EPG5: variants seen among roughly 807,000 people sequenced by gnomAD.
The protein encoded by EPG5 is ectopic P-granules 5 autophagy tethering factor, also known as ectopic P granules protein 5 homolog.
Under a neutral mutation model 302.7 loss-of-function variants are expected in EPG5, and 159 were observed. That is an observed-to-expected ratio of 0.53 (90% CI 0.46 to 0.60). The LOEUF is 0.60. EPG5 is among the 20% of genes least tolerant of loss of function. The pLI is 0.00. For missense variants in EPG5, 2,896 were observed against 3,092.4 expected, an observed-to-expected ratio of 0.94 and a Z score of 1.51; for synonymous variants, 1,158 against 1,136.8, an observed-to-expected ratio of 1.02 and a Z score of -0.37.
intron 1 of EPG5, among the ~76,000 whole-genome samples, chr18:45,963,905 A>G (rs2051197802): frequency 6.6e-6 from 1 of 152,238 alleles, no homozygotes; most frequent in Non-Finnish European, 1.5e-5. Flanking sequence ...GGAGGGTTGT[A>G]CTAGTTAGGA....
chr18:45,929,076 A>G (rs570859828), intron 12 of EPG5, 67 bp from the exon 13 acceptor site: 1 of 1,483,294 alleles, frequency 6.7e-7, no homozygotes, highest in Non-Finnish European at 9.3e-7. Context: ...ACACACTTAT[A>G]TCATTTTTTC....
At chr18:45,840,257 G>C in the EPG5 span, 4 of 1,609,412 alleles carry the variant, frequency 2.5e-6, no homozygotes, top group South Asian at 1.1e-5. Context: ...TGAGCTCCCC[G>C]CCTCCACCCT....
At chr18:45,817,677 C>G in the EPG5 span, among the ~76,000 whole-genome samples, 1 of 152,236 alleles carries the variant, frequency 6.6e-6, no homozygotes, top group African/African-American at 2.4e-5. Flanking sequence ...AGTTCTTTAG[C>G]ACATGGGCCT....
intron 31 of EPG5, among the ~76,000 whole-genome samples, 176 bp downstream of exon 31, chr18:45,882,098 T>A (rs986256975): frequency 6.6e-6 from 1 of 152,184 alleles, no homozygotes; most frequent in Admixed American, 6.5e-5. Flanking sequence ...ACTGGCCATA[T>A]TTACAGTAAC....
chr18:45,880,199 G>T lies in EPG5; in HGVS notation c.5543C>A (p.Pro1848His), dbSNP rs2049067342. ...TCTCAGAGTGGCCTTCCAACACTCG[G>T]GGCTCAGAAGCTGCTCCGCGGAGCC... The part of the protein sequence containing the change: ...MQSSAEQLLS[P>H]ECWKATLRAL... The change falls in exon 32 of 44, where the codon CCC (proline) becomes CAC (histidine). Residue 1848 changes from proline (P) to histidine (H), a missense_variant. Coordinates refer to ENST00000282041, the MANE Select transcript of EPG5 (RefSeq NM_020964.3). 1 of 1,605,428 alleles carries T rather than the reference G, an allele frequency of 6.2e-7. No homozygotes were observed.
intron 42 of EPG5, among the ~76,000 whole-genome samples, chr18:45,857,248 T>C (rs1159883010): frequency 6.6e-6 from 1 of 152,174 alleles, no homozygotes; most frequent in Non-Finnish European, 1.5e-5. Flanking sequence ...TAGCTGGGAC[T>C]ACAGGCATGT....
In EPG5 at chr18:45,849,522, A is replaced by G. The variant is rs1166442193; in HGVS notation, c.*2945T>C. The G allele has an allele frequency of 6.6e-6, 1 of 152,282 alleles. No individual in the cohort carries two copies. The highest frequency in any genetic ancestry group is 2.4e-5 in the African/African-American group (1 of 41,468). The allele number at this position is 152,282 out of a possible 1,614,324, so 9.4% of individuals were successfully genotyped here. ...GAATAAAAACTCAGTGAAAAAGTAT[A>G]TATCACCTTCATTTGAAAGGAACGA... On this transcript the variant is annotated 3_prime_UTR_variant, in exon 44 of 44. Coordinates refer to ENST00000282041, the MANE Select transcript of EPG5 (RefSeq NM_020964.3).
rs1491456763 is a variant in EPG5 at position 45,911,110 on chromosome 18, C to CACACATAT, written c.3984-369_3984-368insATATGTGT. 3.9e-3 allele frequency among the ~76,000 whole-genome samples: 494 copies of CACACATAT among 127,948 alleles called. 1 individual carries two copies. Among genetic ancestry groups the CACACATAT allele is most frequent in the African/African-American group, 0.014 (469 of 33,468 alleles). The allele number at this position is 127,948 out of a possible 152,430, so 83.9% of individuals were successfully genotyped here. ...ACACACACACACACACACACACACA[C>CACACATAT]ATATATATATATATATACATTTTTT... is the stretch of plus-strand genomic sequence containing the variant. On this transcript the variant is annotated intron_variant, in intron 22 of 43. Transcript: ENST00000282041.
chr18:45,920,827 A>T (rs762796160), intron 16 of EPG5, among the ~76,000 whole-genome samples: 2 of 152,218 alleles, frequency 1.3e-5, no homozygotes, highest in Non-Finnish European at 2.9e-5. Context: ...AAACTGCGAC[A>T]GATGTCTTGT....
chr18:45,862,900 AG>A (rs1390572666), intron 39 of EPG5, among the ~76,000 whole-genome samples: 2 of 152,210 alleles, frequency 1.3e-5, no homozygotes, highest in African/African-American at 4.8e-5. Context: ...TTCAGTTGTA[AG>A]TATTTTAAAT....
At chr18:45,966,240 CA>C (rs1349190091) in intron 1 of EPG5, among the ~76,000 whole-genome samples, 2 of 150,944 alleles carry the variant, frequency 1.3e-5, no homozygotes, top group Non-Finnish European at 3.0e-5. Context: ...GGCGTGGTGG[CA>C]GGCGCCTGTA....
chr18:45,867,332 A>G (rs908161108), intron 37 of EPG5, among the ~76,000 whole-genome samples: 3 of 152,346 alleles, frequency 2.0e-5, no homozygotes, highest in African/African-American at 7.2e-5. Flanking sequence ...ATGAGATACA[A>G]AATAAAGTTG....
At chr18:45,895,056 A>C (rs1214398921) in intron 27 of EPG5, among the ~76,000 whole-genome samples, 1 of 152,204 alleles carries the variant, frequency 6.6e-6, no homozygotes, top group Non-Finnish European at 1.5e-5. Flanking sequence ...TGGCAACAGA[A>C]ACACAGAGAA....
intron 11 of EPG5, among the ~76,000 whole-genome samples, chr18:45,934,303 AT>A (rs2050468422): frequency 1.3e-5 from 2 of 152,232 alleles, no homozygotes; most frequent in Non-Finnish European, 2.9e-5. Context: ...AAAATAAAAA[AT>A]AAAAATAAAT....
downstream of EPG5, chr18:45,844,074 T>C (rs2048346587): frequency 6.7e-6 from 1 of 148,336 alleles, no homozygotes; most frequent in African/African-American, 2.6e-5. Flanking sequence ...CAATGAAATA[T>C]TCAGCCATAA....
intron 14 of EPG5, 34 bp downstream of exon 14, chr18:45,925,704 C>G (rs1340576536): frequency 7.1e-7 from 1 of 1,415,108 alleles, no homozygotes; most frequent in Non-Finnish European, 9.3e-7. Flanking sequence ...GCATGTACAA[C>G]CTCCAGTCTC....
rs2145191957 is a variant in EPG5, at chr18:45,857,896, G to A, written c.7399C>T (p.Leu2467=). ...TTCCGGCCAAACCCAATTGCCCCCA[G>A]GATCCCAGAGCTGAGTCTCTCCTCA... ...VAEERLSSGI[L]GAIGFGRKSP... The change falls in exon 42 of 44, where the codon CTG becomes TTG. Residue 2467 remains leucine (L), a synonymous_variant. Coordinates refer to ENST00000282041, the MANE Select transcript of EPG5 (RefSeq NM_020964.3). 6.2e-7 allele frequency: 1 copy of A among 1,612,414 alleles called. No individual in the cohort carries two copies. Among genetic ancestry groups the A allele is most frequent in the Non-Finnish European group, 8.5e-7 (1 of 1,180,006 alleles).
At chr18:45,821,322 C>T in the EPG5 span, among the ~76,000 whole-genome samples, 1 of 152,134 alleles carries the variant, frequency 6.6e-6, no homozygotes, top group South Asian at 2.1e-4. Context: ...CTAAAACAAA[C>T]TAACTTTATC....
chr18:45,874,388 A>C (rs2048929464), intron 35 of EPG5, among the ~76,000 whole-genome samples: 1 of 152,228 alleles, frequency 6.6e-6, no homozygotes, highest in Admixed American at 6.5e-5. Context: ...ACTGGATGAC[A>C]TATGCTTAAC....
Sources: gnomAD v4.1 joint callset for allele counts (sites outside exome capture counted in the v4.1 genomes callset) on GRCh38, gnomAD v4.1.1 for gene constraint, MANE v1.5 for transcripts, NCBI Gene and HGNC (gene_info 2026-07-23, HGNC 2026-07-21) for gene names.